KLHL29: variants seen among roughly 807,000 people sequenced by gnomAD.
KLHL29 encodes kelch like family member 29.
Under a neutral mutation model 80.4 loss-of-function variants are expected in KLHL29, and 21 were observed. That is an observed-to-expected ratio of 0.26 (90% CI 0.19 to 0.38). The LOEUF (loss-of-function observed/expected upper bound fraction) is 0.38, where lower values mean the gene tolerates loss of function less well. Ranked by LOEUF, KLHL29 falls within the 10% of genes least tolerant of loss-of-function variation. The pLI is 1.00. For missense variants in KLHL29, 867 were observed against 1,223.9 expected, an observed-to-expected ratio of 0.71 and a Z score of 4.35; for synonymous variants, 511 against 526.8, an observed-to-expected ratio of 0.97 and a Z score of 0.41.
intron 2 of KLHL29, among the ~76,000 whole-genome samples, chr2:23,546,236 T>C (rs1466255161): frequency 6.6e-6 from 1 of 152,204 alleles, no homozygotes; most frequent in Non-Finnish European, 1.5e-5. Context: ...TGAGTAGGGC[T>C]TCCACCCAGG....
chr2:23,629,219 G>A (rs987005537), intron 3 of KLHL29, among the ~76,000 whole-genome samples: 3 of 151,836 alleles, frequency 2.0e-5, no homozygotes, highest in Admixed American at 1.3e-4. Context: ...CTGTCTGTCC[G>A]TCTGGGCCAC....
chr2:23,409,048 T>C (rs1324681495), intron 1 of KLHL29, among the ~76,000 whole-genome samples: 1 of 152,120 alleles, frequency 6.6e-6, no homozygotes, highest in African/African-American at 2.4e-5. Flanking sequence ...TGGACACACG[T>C]TCCCAGACTG....
chr2:23,522,236 C>T (rs1666127699), intron 2 of KLHL29, among the ~76,000 whole-genome samples: 1 of 152,084 alleles, frequency 6.6e-6, no homozygotes, highest in Admixed American at 6.5e-5. Context: ...GCAACCTCCC[C>T]ACCTCCCAGG....
chr2:23,621,297 G>A (rs1384120961), intron 3 of KLHL29, among the ~76,000 whole-genome samples: 2 of 152,230 alleles, frequency 1.3e-5, no homozygotes, highest in East Asian at 3.9e-4. Flanking sequence ...ACTAAGACCT[G>A]CTGCTGACTT....
chr2:23,583,406 A>G (rs1177856955), intron 3 of KLHL29, among the ~76,000 whole-genome samples: 1 of 152,246 alleles, frequency 6.6e-6, no homozygotes, highest in Non-Finnish European at 1.5e-5. Flanking sequence ...AGTTGAAATG[A>G]AACACCATCA....
intron 1 of KLHL29, among the ~76,000 whole-genome samples, chr2:23,404,773 C>G (rs1408680608): frequency 6.6e-6 from 1 of 152,236 alleles, no homozygotes; most frequent in Non-Finnish European, 1.5e-5. Context: ...TTTACCTACT[C>G]TCTTTTTATG....
At chr2:23,451,579 A>T (rs1663879900) in intron 1 of KLHL29, among the ~76,000 whole-genome samples, 1 of 152,144 alleles carries the variant, frequency 6.6e-6, no homozygotes. Flanking sequence ...TGAGGCTCTG[A>T]GGTTCTGCCT....
Position 23,534,034 on chromosome 2 carries a change from C to T in KLHL29, c.-45-28118C>T, listed in dbSNP as rs112857206. 1.6e-3 allele frequency among the ~76,000 whole-genome samples: 244 copies of T among 151,674 alleles called. 2 individuals carry two copies. Among genetic ancestry groups the T allele is most frequent in the African/African-American group, 5.5e-3 (227 of 41,352 alleles). On this transcript the variant is annotated intron_variant, in intron 2 of 13. Transcript: ENST00000486442. ...CCTGATATTTTAATTGATATTTGAACCAAGTAAGGACCCGCCAATAGTTGA... is the reference window on the plus strand; with the variant it reads ...CCTGATATTTTAATTGATATTTGAATCAAGTAAGGACCCGCCAATAGTTGA...
At chr2:23,413,987 C>G (rs538335795) in intron 1 of KLHL29, among the ~76,000 whole-genome samples, 1 of 152,228 alleles carries the variant, frequency 6.6e-6, no homozygotes, top group African/African-American at 2.4e-5. Context: ...TTCTCACAGA[C>G]GTCTGTGAAC....
intron 2 of KLHL29, among the ~76,000 whole-genome samples, chr2:23,510,489 G>A (rs1046782402): frequency 4.6e-5 from 7 of 152,212 alleles, no homozygotes; most frequent in African/African-American, 1.7e-4. Context: ...GCCTCAACAG[G>A]CTTTGCTGTG....
At chr2:23,431,921 A>G (rs1663193645) in intron 1 of KLHL29, among the ~76,000 whole-genome samples, 1 of 151,284 alleles carries the variant, frequency 6.6e-6, no homozygotes, top group African/African-American at 2.4e-5. Flanking sequence ...AAAAAAAAAA[A>G]AGCAGTGAAA....
chr2:23,520,082 A>G (rs1270866848), intron 2 of KLHL29, among the ~76,000 whole-genome samples: 2 of 152,204 alleles, frequency 1.3e-5, no homozygotes, highest in African/African-American at 4.8e-5. Flanking sequence ...TCATCCACCC[A>G]GGAGAGAAGC....
At chr2:23,685,331 T>C (rs1671210390) in intron 6 of KLHL29, 1 of 152,238 alleles carries the variant, frequency 6.6e-6, no homozygotes, top group African/African-American at 2.4e-5. Flanking sequence ...AGCTCCGTAG[T>C]AAGGGAGAGC....
At chr2:23,564,638 C>T (rs2002901) in intron 3 of KLHL29, among the ~76,000 whole-genome samples, 5 of 152,324 alleles carry the variant, frequency 3.3e-5, no homozygotes, top group African/African-American at 4.8e-5. Context: ...GGCTCCTGCC[C>T]ACCCAGAGGC....
intron 3 of KLHL29, among the ~76,000 whole-genome samples, chr2:23,583,183 C>T (rs941340899): frequency 6.6e-6 from 1 of 152,220 alleles, no homozygotes; most frequent in South Asian, 2.1e-4. Context: ...TGAGAAGGGA[C>T]CTTTCTGTCC....
intron 1 of KLHL29, among the ~76,000 whole-genome samples, chr2:23,454,182 C>T (rs13417938): frequency 0.31 from 47,062 of 151,948 alleles, 7,457 homozygotes; most frequent in South Asian, 0.41. Flanking sequence ...CCTTTAAGAC[C>T]TCAATTGGCT....
chr2:23,432,009 C>T (rs893484778), intron 1 of KLHL29, among the ~76,000 whole-genome samples: 2 of 152,072 alleles, frequency 1.3e-5, no homozygotes, highest in African/African-American at 4.8e-5. Flanking sequence ...TACCACCCGC[C>T]CCAGGGATAA....
rs763231382 is a variant in KLHL29 at position 23,647,853 on chromosome 2, G to C, written c.940+5003G>C. Among the ~76,000 whole-genome samples the C allele has an allele frequency of 6.6e-6, 1 of 152,046 alleles. No homozygotes were observed. Among genetic ancestry groups the C allele is most frequent in the Non-Finnish European group, 1.5e-5 (1 of 68,014 alleles). On this transcript the variant is annotated intron_variant, in intron 5 of 13. Coordinates refer to ENST00000486442, the MANE Select transcript of KLHL29 (RefSeq NM_052920.2). The surrounding 1 kb of genome is among the most constrained non-coding windows in gnomAD (Gnocchi z 4.9). ...CGGTCGAGTGCCTGTGAGACCATTC[G>C]ACTGTGAGCCCCGGGGTCAGGGGCA...
At chr2:23,645,467 A>AG (rs1270851502) in intron 5 of KLHL29, among the ~76,000 whole-genome samples, 5 of 152,194 alleles carry the variant, frequency 3.3e-5, no homozygotes, top group Admixed American at 6.5e-5. Context: ...TAGAAAAAAA[A>AG]AAGAACTTTC....
Sources: allele counts gnomAD v4.1 joint callset (sites outside exome capture counted in the v4.1 genomes callset), GRCh38; gene constraint gnomAD v4.1.1; non-coding constraint Gnocchi (gnomAD v3.1); transcripts MANE v1.5; gene names NCBI Gene and HGNC (gene_info 2026-07-23, HGNC 2026-07-21).